The following STX17 variants were observed in gnomAD, a reference collection of about 807,000 sequenced individuals.
The protein encoded by STX17 is syntaxin-17.
In STX17, 29 loss-of-function variants were observed where a neutral mutation model predicts 35.9. The ratio of observed to expected loss-of-function variants is 0.81; its 90% CI spans 0.60 to 1.10. The LOEUF (loss-of-function observed/expected upper bound fraction) is 1.10. Ranked by LOEUF, STX17 falls within the 50% of genes least tolerant of loss-of-function variation. The pLI, the probability that STX17 is intolerant of heterozygous loss-of-function variation, is 0.00. For missense variants in STX17, 312 were observed against 352.3 expected (o/e 0.89, Z 0.92); for synonymous variants, 92 against 118.3 (o/e 0.78, Z 1.44).
intron 2 of STX17, 129 bp downstream of exon 2, chr9:99,915,491 C>A: frequency 1.8e-6 from 2 of 1,131,718 alleles, no homozygotes; most frequent in Non-Finnish European, 2.4e-6. Context: ...ATTGATTTAG[C>A]AACATTATGC....
chr9:99,929,905 CTTTTCTTTTTTTTTTTT>C (rs986773935), intron 3 of STX17: 20 of 132,994 alleles, frequency 1.5e-4, no homozygotes, highest in Non-Finnish European at 2.9e-4. Flanking sequence ...ATTTCTTTTT[CTTTTCTTTTTTTTTTTT>C]TTTTTTTTGC....
At chr9:99,935,261 A>T (rs550047875) in intron 3 of STX17, among the ~76,000 whole-genome samples, 92 of 146,028 alleles carry the variant, frequency 6.3e-4, no homozygotes, top group African/African-American at 2.2e-3. Flanking sequence ...ACCCAGGAGG[A>T]GGAGCTTGCA....
intron 4 of STX17, among the ~76,000 whole-genome samples, chr9:99,955,646 G>A (rs1456119013): frequency 2.6e-5 from 4 of 152,008 alleles, no homozygotes; most frequent in African/African-American, 7.2e-5. Context: ...GAGGGAGAGA[G>A]TACTTGGATA....
chr9:99,974,522 C>T lies in STX17; in HGVS notation c.*5849C>T, dbSNP rs146643439. On this transcript the variant is annotated 3_prime_UTR_variant, in exon 8 of 8. Coordinates refer to ENST00000259400, the MANE Select transcript of STX17 (RefSeq NM_017919.3). The stretch of plus-strand genomic sequence containing the variant: ...AATAAGGAAACATGCAATAAATTTA[C>T]TTATTTAACCAACATTTAACTGAAG... 1.2e-3 allele frequency among the ~76,000 whole-genome samples: 178 copies of T among 152,260 alleles called. No homozygotes were observed. The highest frequency in any genetic ancestry group is 4.2e-3 in the African/African-American group (175 of 41,528).
At position 99,938,796 on chromosome 9, in the gene STX17, A is replaced by AAGGG. The variant is rs375308267; in HGVS notation, c.189+9971_189+9974dup. On this transcript the variant is annotated intron_variant, in intron 3 of 7. Coordinates refer to ENST00000259400, the MANE Select transcript of STX17 (RefSeq NM_017919.3). ...TGTGAGACCTTGTCTGGAAGGAAGG[A>AAGGG]AGGGAGGGAGGGAGGGAGGGAAGGA... Among the ~76,000 whole-genome samples the AAGGG allele has an allele frequency of 1.2e-3, 166 of 137,506 alleles. No homozygotes were observed. In the Middle Eastern group the frequency reaches 0.014, roughly 12 times the overall value. The allele number at this position is 137,506 out of a possible 152,430, so 90.2% of individuals were successfully genotyped here. A position where few individuals can be genotyped will look rare whatever the true frequency, so the allele number is the denominator to read the frequency against.
intron 4 of STX17, among the ~76,000 whole-genome samples, chr9:99,957,642 A>T (rs1465196992): frequency 4.9e-5 from 7 of 141,998 alleles, no homozygotes; most frequent in African/African-American, 1.3e-4. Context: ...TTTTGTTTTT[A>T]TGTTATTGTT....
intron 4 of STX17, among the ~76,000 whole-genome samples, chr9:99,955,381 A>AT (rs953502984): frequency 6.6e-5 from 10 of 151,920 alleles, no homozygotes; most frequent in Non-Finnish European, 1.3e-4. Context: ...ATTGGTTTTA[A>AT]TTTTTTTTAA....
At chr9:99,968,232 C>T (rs534911198) in intron 7 of STX17, among the ~76,000 whole-genome samples, 114 of 152,272 alleles carry the variant, frequency 7.5e-4, no homozygotes, top group African/African-American at 2.5e-3. Flanking sequence ...CTTTGTAGCT[C>T]AGCTCTCTAA....
At chr9:99,963,076 T>G (rs1829858114) in intron 6 of STX17, among the ~76,000 whole-genome samples, 2 of 152,224 alleles carry the variant, frequency 1.3e-5, no homozygotes, top group Non-Finnish European at 2.9e-5. Context: ...CACAATATTG[T>G]GAAGTTACTT....
intron 1 of STX17, among the ~76,000 whole-genome samples, chr9:99,912,493 G>C (rs72746306): frequency 0.15 from 22,086 of 152,096 alleles, 2,136 homozygotes; most frequent in Non-Finnish European, 0.21. Context: ...AGTTGTTTGA[G>C]TTTCTCATAC....
intron 3 of STX17, among the ~76,000 whole-genome samples, chr9:99,947,962 C>A (rs1322455752): frequency 1.4e-5 from 2 of 147,274 alleles, no homozygotes; most frequent in Non-Finnish European, 1.5e-5. Context: ...TTTTTTTTTC[C>A]TATTGGTTTG....
chr9:99,951,017 TATACTA>T (rs1415357987), intron 3 of STX17, 37 bp from the exon 4 acceptor site: 1 of 1,511,736 alleles, frequency 6.6e-7, no homozygotes, highest in Non-Finnish European at 9.0e-7. Context: ...AAAGATATCT[TATACTA>T]AGAAATGGTG....
chr9:99,947,946 GTT>G (rs76739808), intron 3 of STX17, among the ~76,000 whole-genome samples: 1 of 142,166 alleles, frequency 7.0e-6, no homozygotes. Flanking sequence ...TACTTTTCAA[GTT>G]TTTTTTTTTT....
intron 1 of STX17, among the ~76,000 whole-genome samples, chr9:99,911,184 T>C (rs1044844276): frequency 6.6e-6 from 1 of 152,112 alleles, no homozygotes; most frequent in African/African-American, 2.4e-5. Flanking sequence ...TACAGGTGCA[T>C]GCCACCACGC....
At chr9:99,956,987 A>G (rs144195132) in intron 4 of STX17, among the ~76,000 whole-genome samples, 1 of 152,360 alleles carries the variant, frequency 6.6e-6, no homozygotes, top group African/African-American at 2.4e-5. Flanking sequence ...TTCTCTGCTT[A>G]TAACCCTTCA....
chr9:99,967,684 A>G lies in STX17; in HGVS notation c.614A>G (p.Asp205Gly). The G allele has an allele frequency of 6.2e-7, 1 of 1,613,918 alleles. No homozygotes were observed. The highest frequency in any genetic ancestry group is 8.5e-7 in the Non-Finnish European group (1 of 1,179,878). The change falls in exon 7 of 8, where the codon GAC becomes GGC. Residue 205 changes from aspartate to glycine, a missense_variant. By Grantham distance (94) the Asp-to-Gly change is moderately conservative. Transcript: ENST00000259400. The stretch of plus-strand genomic sequence containing the variant: ...CAGGAGAAGATTGACAGCATTGCAG[A>G]CCATGTCAACAGTGCTGCTGTGAAT... ...SQQEKIDSIA[D>G]HVNSAAVNVE...
chr9:99,967,766 C>G, intron 7 of STX17, 27 bp downstream of exon 7: 1 of 1,594,612 alleles, frequency 6.3e-7, no homozygotes, highest in East Asian at 2.2e-5. Context: ...GCTGACAAAT[C>G]AATGGTACTC....
intron 6 of STX17, among the ~76,000 whole-genome samples, chr9:99,964,052 T>C (rs1484296218): frequency 8.2e-6 from 1 of 122,214 alleles, no homozygotes; most frequent in Non-Finnish European, 1.7e-5. Context: ...ACTCGTAGCT[T>C]TCCAAGAACC....
chr9:99,947,144 C>A lies in STX17; in HGVS notation c.190-3916C>A, dbSNP rs145452020. ...CTTTTCTTCTATATTTTTTACTTTCCTTGTTTCTTTTTTACATAGTTTCTT... is the reference window on the plus strand; with the variant it reads ...CTTTTCTTCTATATTTTTTACTTTCATTGTTTCTTTTTTACATAGTTTCTT... On this transcript the variant is annotated intron_variant, in intron 3 of 7. Transcript: ENST00000259400. 5.1e-3 allele frequency among the ~76,000 whole-genome samples: 771 copies of A among 151,824 alleles called. 6 individuals are homozygous for A. Among genetic ancestry groups the A allele is most frequent in the African/African-American group, 0.017 (702 of 41,442 alleles).
Sources: allele counts gnomAD v4.1 joint callset (sites outside exome capture counted in the v4.1 genomes callset), GRCh38; gene constraint gnomAD v4.1.1; transcripts MANE v1.5; gene names NCBI Gene and HGNC (gene_info 2026-07-23, HGNC 2026-07-21).